RADX: variants seen among roughly 807,000 people sequenced by gnomAD.
RADX encodes the protein RPA1 related single stranded DNA binding protein, X-linked, also known as RPA-related protein RADX.
In RADX, 36 loss-of-function variants were observed where a neutral mutation model predicts 61.6. That is an observed-to-expected ratio of 0.58 (90% CI 0.45 to 0.77). The LOEUF is 0.77. RADX is among the 30% of genes least tolerant of loss of function. The pLI is 0.00. For missense variants in RADX, 497 were observed against 651.1 expected (o/e 0.76, Z 2.58); for synonymous variants, 272 against 237.9 (o/e 1.14, Z -1.32).
At chrX:106,619,287 G>C (rs1481354454) in intron 1 of RADX, among the ~76,000 whole-genome samples, 5 of 111,573 alleles carry the variant, frequency 4.5e-5, no homozygotes, top group Non-Finnish European at 9.4e-5. Context: ...CTGAATAAGA[G>C]AAGATATTTA....
At chrX:106,643,124 A>G (rs1157594350) in intron 10 of RADX, among the ~76,000 whole-genome samples, 1 of 110,995 alleles carries the variant, frequency 9.0e-6, no homozygotes, top group African/African-American at 3.3e-5. Flanking sequence ...CCATTTGTAT[A>G]CCTTCTTTTG....
At position 106,616,834 on chromosome X, in the gene RADX, A is replaced by G. The variant is rs1358338118; in HGVS notation, c.643+4111A>G. Among the ~76,000 whole-genome samples the G allele has an allele frequency of 3.6e-5, 4 of 109,988 alleles. No individual in the cohort carries two copies. In the East Asian group the frequency reaches 1.1e-3, roughly 31 times the overall value. ...GTGCATCAATTCATTTTGATTATAT[A>G]CTTTCATTACCGTCCTGTATTCTAT... On this transcript the variant is annotated intron_variant, in intron 1 of 13. Coordinates refer to ENST00000372548, the MANE Select transcript of RADX (RefSeq NM_018015.6).
At chrX:106,657,785 G>A (rs746850813) in intron 11 of RADX, among the ~76,000 whole-genome samples, 8 of 111,060 alleles carry the variant, frequency 7.2e-5, no homozygotes, top group South Asian at 3.8e-4. Flanking sequence ...GGTTTGTGGC[G>A]CCTCAAAACA....
intron 12 of RADX, among the ~76,000 whole-genome samples, chrX:106,666,710 G>A (rs184588994): frequency 3.8e-4 from 43 of 111,869 alleles, no homozygotes; most frequent in Non-Finnish European, 2.8e-4. Flanking sequence ...TCTTTTAAAT[G>A]CATTTTACGG....
At chrX:106,670,111 G>C (rs1928328315) in intron 13 of RADX, among the ~76,000 whole-genome samples, 1 of 111,530 alleles carries the variant, frequency 9.0e-6, no homozygotes, top group South Asian at 3.8e-4. Flanking sequence ...AGCTGTGCCT[G>C]ATGACAAAGT....
chrX:106,627,904 C>T (rs1927111059), intron 3 of RADX, among the ~76,000 whole-genome samples: 1 of 111,485 alleles, frequency 9.0e-6, no homozygotes, highest in South Asian at 3.8e-4. Flanking sequence ...TGTGCAATCT[C>T]GGCTCACTGC....
intron 1 of RADX, among the ~76,000 whole-genome samples, chrX:106,618,295 G>A (rs1366087925): frequency 9.0e-6 from 1 of 111,218 alleles, no homozygotes; most frequent in East Asian, 2.8e-4. Context: ...AGGCTGGAGT[G>A]TAATTATTTA....
intron 13 of RADX, among the ~76,000 whole-genome samples, chrX:106,672,987 C>T (rs1024739868): frequency 9.0e-6 from 1 of 111,193 alleles, no homozygotes; most frequent in Non-Finnish European, 1.9e-5. Context: ...AGTCAGCTTG[C>T]GGTGAATGCT....
At chrX:106,621,796 A>G (rs764217994) in intron 1 of RADX, among the ~76,000 whole-genome samples, 1 of 110,846 alleles carries the variant, frequency 9.0e-6, no homozygotes, top group Non-Finnish European at 1.9e-5. Context: ...TTGGATATAT[A>G]AAGGGAAGAC....
intron 3 of RADX, among the ~76,000 whole-genome samples, 164 bp downstream of exon 3, chrX:106,625,446 A>T (rs748567574): frequency 1.8e-5 from 2 of 111,926 alleles, no homozygotes; most frequent in East Asian, 2.8e-4. Context: ...ACATAACCTA[A>T]TAAATATACC....
chrX:106,624,020 A>C (rs746050247), intron 2 of RADX, among the ~76,000 whole-genome samples: 2 of 110,346 alleles, frequency 1.8e-5, no homozygotes, highest in East Asian at 5.7e-4. Context: ...TCTCTTCCTG[A>C]GCTCTCTATG....
chrX:106,619,602 C>G (rs767313639), intron 1 of RADX, among the ~76,000 whole-genome samples: 1 of 111,695 alleles, frequency 9.0e-6, no homozygotes, highest in South Asian at 3.7e-4. Context: ...AAACTTTTTT[C>G]ATTTTCTTCC....
intron 1 of RADX, among the ~76,000 whole-genome samples, chrX:106,618,109 AAAG>A (rs1037051683): frequency 8.9e-6 from 1 of 112,119 alleles, no homozygotes; most frequent in Non-Finnish European, 1.9e-5. Flanking sequence ...TTGAAATGTC[AAAG>A]AAGACCCCAA....
In RADX at chrX:106,669,091, C is replaced by T; in HGVS notation, c.2270-72C>T. On this transcript the variant is annotated intron_variant, in intron 12 of 13. Coordinates refer to ENST00000372548, the MANE Select transcript of RADX (RefSeq NM_018015.6). ...CTATCTGGAACATGTTGGGATCAAA[C>T]CAGCAAACTCGGCATCAGCACCACA... is the stretch of plus-strand genomic sequence containing the variant. The T allele has an allele frequency of 3.5e-6, 3 of 857,339 alleles. No homozygotes were observed. In the South Asian group the frequency reaches 6.5e-5, roughly 19 times the overall value. 70.7% of individuals were successfully genotyped at this position (857,339 alleles called of 1,213,427 possible).
intron 6 of RADX, among the ~76,000 whole-genome samples, chrX:106,635,496 C>G (rs779123458): frequency 7.2e-5 from 8 of 111,232 alleles, no homozygotes; most frequent in Non-Finnish European, 1.3e-4. Context: ...TGTATCAACA[C>G]CTTTAGCCAT....
chrX:106,611,991 T>C lies in RADX; in HGVS notation c.-90T>C, dbSNP rs1926684724. 1.1e-5 allele frequency: 11 copies of C among 1,007,646 alleles called. No individual in the cohort carries two copies. In the East Asian group the frequency reaches 3.4e-4, roughly 31 times the overall value. 83.0% of individuals were successfully genotyped at this position (1,007,646 alleles called of 1,213,427 possible). ...CCTGTCAGCAGGGGCAGAGTAGCGA[T>C]CGTCGCCAAAGCGCGCGGTTTTATT... On this transcript the variant is annotated 5_prime_UTR_variant, in exon 1 of 14. Transcript: ENST00000372548.
At position 106,619,259 on chromosome X, in the gene RADX, A is replaced by T. The variant is rs180754489; in HGVS notation, c.644-3392A>T. Among the ~76,000 whole-genome samples the T allele has an allele frequency of 6.8e-3, 755 of 111,732 alleles. 4 individuals are homozygous for T. The highest frequency in any genetic ancestry group is 0.023 in the African/African-American group (717 of 30,761). ...GTTTCCGTCTCCAGAATTATTCAAA[A>T]TATATAATACACCCCTACTGAATAA... On this transcript the variant is annotated intron_variant, in intron 1 of 13. Coordinates refer to ENST00000372548, the MANE Select transcript of RADX (RefSeq NM_018015.6).
intron 9 of RADX, 200 bp downstream of exon 9, chrX:106,639,887 C>T (rs1927463984): frequency 4.1e-6 from 1 of 245,720 alleles, no homozygotes; most frequent in Non-Finnish European, 7.2e-6. Flanking sequence ...TCCTTTTGCA[C>T]CAACCTAATA....
chrX:106,664,073 A>C (rs750897972), intron 12 of RADX, among the ~76,000 whole-genome samples: 1 of 111,896 alleles, frequency 8.9e-6, no homozygotes, highest in South Asian at 3.7e-4. Flanking sequence ...GTTAAAAGAC[A>C]GTGGAAAATA....
Sources: allele counts gnomAD v4.1 joint callset (sites outside exome capture counted in the v4.1 genomes callset), GRCh38; gene constraint gnomAD v4.1.1; transcripts MANE v1.5; gene names NCBI Gene and HGNC (gene_info 2026-07-23, HGNC 2026-07-21).